Variants in OSBPL1A observed in about 807,000 individuals in gnomAD.
OSBPL1A encodes oxysterol binding protein like 1A.
A neutral mutation model predicts 137.1 loss-of-function variants in OSBPL1A; 80 were observed. The ratio of observed to expected loss-of-function variants is 0.58; its 90% CI spans 0.49 to 0.70. The LOEUF is 0.70. OSBPL1A is among the 30% of genes least tolerant of loss of function. OSBPL1A has a pLI of 0.00. For synonymous variants in OSBPL1A, 365 were observed against 389.7 expected (o/e 0.94, Z 0.75); for missense variants, 970 against 1,129.4 (o/e 0.86, Z 2.02).
At chr18:24,315,554 TTAATAA>T (rs1369094053) in intron 11 of OSBPL1A, among the ~76,000 whole-genome samples, 1 of 140,148 alleles carries the variant, frequency 7.1e-6, no homozygotes, top group Non-Finnish European at 1.5e-5. Flanking sequence ...ATTCATAATA[TTAATAA>T]TATTATGATT....
chr18:24,209,502 C>T (rs1252218324), intron 17 of OSBPL1A, among the ~76,000 whole-genome samples: 2 of 152,212 alleles, frequency 1.3e-5, no homozygotes, highest in Non-Finnish European at 2.9e-5. Context: ...GCTAAACACA[C>T]ATCTCCCCGA....
chr18:24,271,420 A>G lies in OSBPL1A; in HGVS notation c.1281+9422T>C. The G allele has an allele frequency of 2.8e-6, 1 of 356,608 alleles. No individual in the cohort carries two copies. Among genetic ancestry groups the G allele is most frequent in the Non-Finnish European group, 3.9e-6 (1 of 254,918 alleles). 22.1% of individuals were successfully genotyped at this position (356,608 alleles called of 1,614,324 possible). ...CACGGCAGGGAGACCCGCACTGGGA[A>G]GAGAGCAGGGTCTCCCGGCTGGTGC... On this transcript the variant is annotated intron_variant, in intron 15 of 27. Coordinates refer to ENST00000319481, the MANE Select transcript of OSBPL1A (RefSeq NM_080597.4). This position sits in a 1 kb window ranked among gnomAD's most constrained non-coding sequence, Gnocchi z 4.0.
At chr18:24,217,971 T>C (rs1229550013) in intron 17 of OSBPL1A, among the ~76,000 whole-genome samples, 3 of 151,992 alleles carry the variant, frequency 2.0e-5, no homozygotes, top group African/African-American at 7.3e-5. Context: ...GATGGTAGAA[T>C]ACTCTACAGA....
chr18:24,312,910 C>T lies in OSBPL1A; in HGVS notation c.970-804G>A, dbSNP rs546175075. Reference sequence around the variant, plus strand: ...CAGCACTCTGGGAGGGCAAGGTGGGCGGATCATGTTCGAGACCAGCCTGGC... The same window carrying T: ...CAGCACTCTGGGAGGGCAAGGTGGGTGGATCATGTTCGAGACCAGCCTGGC... On this transcript the variant is annotated intron_variant, in intron 12 of 27. Transcript: ENST00000319481. Among the ~76,000 whole-genome samples the T allele has an allele frequency of 1.6e-4, 25 of 151,964 alleles. No homozygotes were observed. In the South Asian group the frequency reaches 2.5e-3, roughly 15 times the overall value.
At chr18:24,213,363 T>C (rs2087600464) in intron 17 of OSBPL1A, among the ~76,000 whole-genome samples, 1 of 152,004 alleles carries the variant, frequency 6.6e-6, no homozygotes, top group Non-Finnish European at 1.5e-5. Flanking sequence ...AGCTCAGGAG[T>C]TCGAGACCAG....
At chr18:24,319,949 C>T (rs1351992618) in intron 7 of OSBPL1A, among the ~76,000 whole-genome samples, 1 of 148,468 alleles carries the variant, frequency 6.7e-6, no homozygotes, top group East Asian at 2.0e-4. Context: ...GCTTAAGACT[C>T]GCCGGGGTAA....
Position 24,162,968 on chromosome 18 carries a change from A to C in OSBPL1A, c.*211T>G, listed in dbSNP as rs1443907087. The C allele has an allele frequency of 7.1e-6, 3 of 424,150 alleles. No homozygotes were observed. In the East Asian group the frequency reaches 1.4e-4, roughly 20 times the overall value. 26.3% of individuals were successfully genotyped at this position (424,150 alleles called of 1,614,324 possible). ...ATATAAAATAGTATTCCAAATAAGT[A>C]CATTTTATAGCAAAATTATGCATTT... is the stretch of plus-strand genomic sequence containing the variant. On this transcript the variant is annotated 3_prime_UTR_variant, in exon 28 of 28. Transcript: ENST00000319481.
At chr18:24,320,663 A>G (rs78154052) in intron 7 of OSBPL1A, among the ~76,000 whole-genome samples, 2,376 of 152,276 alleles carry the variant, frequency 0.016, 65 homozygotes, top group African/African-American at 0.055. Flanking sequence ...TAGGATGAAA[A>G]GCCACTGAAG....
intron 7 of OSBPL1A, among the ~76,000 whole-genome samples, chr18:24,319,021 C>A (rs2090792859): frequency 6.6e-6 from 1 of 152,228 alleles, no homozygotes; most frequent in African/African-American, 2.4e-5. Context: ...ATCAGATTAA[C>A]TTCACAACAA....
In OSBPL1A at chr18:24,338,075, CTTTCTTTTTT is replaced by C. The variant is rs199600018; in HGVS notation, c.394+3462_394+3471del. ...CCATAGATTAGAAATTTTTCTTTTT[CTTTCTTTTTT>C]TTTTTTTGAGACAGAGTCTCACTGT... On this transcript the variant is annotated intron_variant, in intron 5 of 27. Transcript: ENST00000319481. Among the ~76,000 whole-genome samples, 1,081 of 133,748 alleles carry C rather than the reference CTTTCTTTTTT, an allele frequency of 8.1e-3. 13 individuals carry two copies. The highest frequency in any genetic ancestry group is 0.035 in the African/African-American group (1,011 of 28,878). 87.7% of individuals were successfully genotyped at this position (133,748 alleles called of 152,430 possible). A position where few individuals can be genotyped will look rare whatever the true frequency, so the allele number is the denominator to read the frequency against.
At chr18:24,393,555 C>T (rs1356694277) in intron 1 of OSBPL1A, among the ~76,000 whole-genome samples, 1 of 152,188 alleles carries the variant, frequency 6.6e-6, no homozygotes, top group South Asian at 2.1e-4. Context: ...CGGGTTCACA[C>T]CATTCTCCTG....
intron 17 of OSBPL1A, among the ~76,000 whole-genome samples, chr18:24,211,144 T>G (rs1034825859): frequency 6.6e-6 from 1 of 152,002 alleles, no homozygotes; most frequent in African/African-American, 2.4e-5. Flanking sequence ...TTTTTGTATT[T>G]TTAGTAGAGA....
chr18:24,179,629 T>C (rs12604451), intron 20 of OSBPL1A, 109 bp downstream of exon 20: 507,353 of 857,656 alleles, frequency 0.59, 158,699 homozygotes, highest in Non-Finnish European at 0.66. Flanking sequence ...ACATCAAAAT[T>C]GTTAACTTGC....
chr18:24,317,390 A>T lies in OSBPL1A; in HGVS notation c.743T>A (p.Phe248Tyr), dbSNP rs140670772. 3 of 1,613,340 alleles carry T rather than the reference A, an allele frequency of 1.9e-6. No individual in the cohort carries two copies. The highest frequency in any genetic ancestry group is 2.5e-6 in the Non-Finnish European group (3 of 1,179,562). Residue 248 changes from phenylalanine (F) to tyrosine (Y), a missense_variant, in exon 10 of 28, where the codon TTT becomes TAT. Phe to Tyr is a conservative substitution (Grantham distance 22). Coordinates refer to ENST00000319481, the MANE Select transcript of OSBPL1A (RefSeq NM_080597.4). ...YEGPLWKSSR[F>Y]FGWRLFWVVL... ...TACCCAGAATAATCTCCAGCCAAAAAATCTTGAACTCTAAGGGAAAAATAA... is the reference window on the plus strand; with the variant it reads ...TACCCAGAATAATCTCCAGCCAAAATATCTTGAACTCTAAGGGAAAAATAA...
At chr18:24,358,410 C>T in intron 4 of OSBPL1A, 1 of 699,614 alleles carries the variant, frequency 1.4e-6, no homozygotes, top group South Asian at 1.5e-5. Context: ...CTTGTCCACT[C>T]CTGTCCACTT....
At chr18:24,174,993 G>A (rs1266828542) in intron 21 of OSBPL1A, among the ~76,000 whole-genome samples, 1 of 150,368 alleles carries the variant, frequency 6.7e-6, no homozygotes, top group Non-Finnish European at 1.5e-5. Flanking sequence ...TGCCTAGGCT[G>A]GTCTTGAACT....
intron 7 of OSBPL1A, among the ~76,000 whole-genome samples, chr18:24,321,151 T>C (rs2090845481): frequency 6.6e-6 from 1 of 152,184 alleles, no homozygotes; most frequent in African/African-American, 2.4e-5. Flanking sequence ...CTATTGTGCT[T>C]ATGTTTTTTA....
At chr18:24,397,552 C>A (rs757524716) in intron 1 of OSBPL1A, 103 bp downstream of exon 1, 32 of 152,386 alleles carry the variant, frequency 2.1e-4, no homozygotes, top group Admixed American at 7.8e-4. Context: ...AGCGCCCACC[C>A]CCAACCAGGC....
At chr18:24,390,329 T>C (rs1907242626) in intron 1 of OSBPL1A, among the ~76,000 whole-genome samples, 1 of 152,156 alleles carries the variant, frequency 6.6e-6, no homozygotes, top group Non-Finnish European at 1.5e-5. Context: ...ATAGGAGAAG[T>C]AACCTAAACG....
Sources: allele counts gnomAD v4.1 joint callset (sites outside exome capture counted in the v4.1 genomes callset), GRCh38; gene constraint gnomAD v4.1.1; non-coding constraint Gnocchi (gnomAD v3.1); transcripts MANE v1.5; gene names NCBI Gene and HGNC (gene_info 2026-07-23, HGNC 2026-07-21).